The following GPAT3 variants were observed in gnomAD, a reference collection of about 807,000 sequenced individuals.
GPAT3 encodes the protein 1-AGP acyltransferase 9.
Under a neutral mutation model 58.8 loss-of-function variants are expected in GPAT3, and 53 were observed. The ratio of observed to expected loss-of-function variants is 0.90; its 90% CI spans 0.72 to 1.13. The LOEUF is 1.13. Among genes scored for constraint, GPAT3 ranks in the 50% most tolerant of loss-of-function variants. GPAT3 has a pLI of 0.00. For missense variants in GPAT3, 511 were observed against 527.6 expected, an observed-to-expected ratio of 0.97 and a Z score of 0.31; for synonymous variants, 197 against 187.4, an observed-to-expected ratio of 1.05 and a Z score of -0.42.
chr4:83,590,076 G>A, intron 5 of GPAT3, 123 bp from the exon 6 acceptor site: 1 of 777,278 alleles, frequency 1.3e-6, no homozygotes, highest in Non-Finnish European at 2.0e-6. Flanking sequence ...CTGGGCAACA[G>A]AGTGAGACGC....
At chr4:83,539,744 A>G (rs1355797413) in intron 1 of GPAT3, among the ~76,000 whole-genome samples, 1 of 152,228 alleles carries the variant, frequency 6.6e-6, no homozygotes, top group Non-Finnish European at 1.5e-5. Flanking sequence ...TTAGCTTGGA[A>G]TAAGTTTAGT....
intron 2 of GPAT3, among the ~76,000 whole-genome samples, chr4:83,562,211 TTATATATATATATAA>T (rs1458086118): frequency 1.6e-4 from 12 of 73,008 alleles, no homozygotes; most frequent in Non-Finnish European, 4.9e-5. Flanking sequence ...TATATATATA[TTATATATATATATAA>T]TATATATATA....
intron 3 of GPAT3, among the ~76,000 whole-genome samples, chr4:83,586,601 CTATT>C (rs1482552212): frequency 1.3e-5 from 2 of 152,058 alleles, no homozygotes; most frequent in Non-Finnish European, 2.9e-5. Flanking sequence ...TAACTAAATC[CTATT>C]TATTTTGAAA....
intron 2 of GPAT3, among the ~76,000 whole-genome samples, chr4:83,568,012 A>G (rs1472881511): frequency 6.6e-6 from 1 of 151,986 alleles, no homozygotes; most frequent in Non-Finnish European, 1.5e-5. Flanking sequence ...ATTCTTTCTT[A>G]TGATTTTTAT....
At chr4:83,587,380 G>T in intron 4 of GPAT3, 51 bp downstream of exon 4, 2 of 1,444,668 alleles carry the variant, frequency 1.4e-6, no homozygotes, top group African/African-American at 1.4e-5. Flanking sequence ...TTTTTTCTTA[G>T]CTGTGTCCAC....
intron 1 of GPAT3, among the ~76,000 whole-genome samples, chr4:83,542,380 C>G (rs569313428): frequency 6.6e-6 from 1 of 151,930 alleles, no homozygotes; most frequent in Non-Finnish European, 1.5e-5. Context: ...GCACTAAATC[C>G]GCAAAAGATA....
At chr4:83,579,645 A>C (rs1171232098) in intron 2 of GPAT3, among the ~76,000 whole-genome samples, 1 of 152,136 alleles carries the variant, frequency 6.6e-6, no homozygotes, top group Non-Finnish European at 1.5e-5. Context: ...TGTAGGACAA[A>C]AACTCCAAAA....
chr4:83,587,413 C>G (rs562742173), intron 4 of GPAT3, 84 bp downstream of exon 4: 109 of 1,167,936 alleles, frequency 9.3e-5, no homozygotes, highest in Admixed American at 5.4e-4. Context: ...TGTTTGATTC[C>G]TATGTATTGC....
intron 7 of GPAT3, 83 bp downstream of exon 7, chr4:83,595,043 A>T: frequency 8.5e-7 from 1 of 1,178,884 alleles, no homozygotes; most frequent in Non-Finnish European, 1.2e-6. Flanking sequence ...AGGGCCGAGC[A>T]GCACTGAGTC....
At chr4:83,594,464 A>C (rs750005066) in intron 6 of GPAT3, among the ~76,000 whole-genome samples, 7 of 152,310 alleles carry the variant, frequency 4.6e-5, no homozygotes, top group Admixed American at 2.0e-4. Flanking sequence ...TCCACCAAGC[A>C]ATGTTTGAAA....
Position 83,597,755 on chromosome 4 carries a change from CAG to C in GPAT3, c.996+242_996+243del, listed in dbSNP as rs3832283. 2.5e-3 allele frequency among the ~76,000 whole-genome samples: 376 copies of C among 152,264 alleles called. 5 individuals carry two copies. In the East Asian group the frequency reaches 0.048, roughly 20 times the overall value. On this transcript the variant is annotated intron_variant, in intron 9 of 11. Transcript: ENST00000264409. ...TATTTGCTCATAGTGTTAAGTGAAA[CAG>C]ATTCTGTTCCTGCTTTCATCAGCCT...
At chr4:83,559,915 A>G (rs897676498) in intron 2 of GPAT3, among the ~76,000 whole-genome samples, 4 of 152,160 alleles carry the variant, frequency 2.6e-5, no homozygotes, top group African/African-American at 7.2e-5. Flanking sequence ...GAGACAGCCA[A>G]TTGGACTTGT....
intron 2 of GPAT3, among the ~76,000 whole-genome samples, chr4:83,569,794 G>A (rs1000825655): frequency 2.0e-5 from 3 of 151,896 alleles, no homozygotes; most frequent in Non-Finnish European, 4.4e-5. Flanking sequence ...CTAAATGAGA[G>A]GAATTTAAGT....
At chr4:83,559,304 A>C (rs781810) in intron 2 of GPAT3, among the ~76,000 whole-genome samples, 1 of 152,204 alleles carries the variant, frequency 6.6e-6, no homozygotes, top group African/African-American at 2.4e-5. Context: ...TTAGTATATA[A>C]GCAGAGAAAG....
At chr4:83,551,318 T>C (rs1724740455) in intron 2 of GPAT3, among the ~76,000 whole-genome samples, 1 of 152,084 alleles carries the variant, frequency 6.6e-6, no homozygotes, top group Non-Finnish European at 1.5e-5. Context: ...TATAATAACA[T>C]TTATTTAAAA....
At chr4:83,601,962 AACTG>A (rs1174490985) in intron 11 of GPAT3, among the ~76,000 whole-genome samples, 65 of 152,310 alleles carry the variant, frequency 4.3e-4, no homozygotes, top group African/African-American at 1.5e-3. Context: ...TGGAGTATGA[AACTG>A]ACTAGTCCTA....
chr4:83,578,938 T>TTTC (rs375376133), intron 2 of GPAT3, among the ~76,000 whole-genome samples: 3,203 of 8,020 alleles, frequency 0.4, 276 homozygotes, highest in South Asian at 0.46. Flanking sequence ...TCTTTCTTTC[T>TTTC]TTTCTTTTCT....
chr4:83,558,165 G>C (rs1725006017), intron 2 of GPAT3, among the ~76,000 whole-genome samples: 1 of 151,692 alleles, frequency 6.6e-6, no homozygotes. Context: ...AGTGAGCCAA[G>C]ATCATACCAC....
At chr4:83,547,599 A>G (rs1052436759) in intron 2 of GPAT3, among the ~76,000 whole-genome samples, 6 of 151,384 alleles carry the variant, frequency 4.0e-5, no homozygotes, top group African/African-American at 1.2e-4. Context: ...TTTGAAATGC[A>G]TTTCAAGTCT....
Sources: allele counts gnomAD v4.1 joint callset (sites outside exome capture counted in the v4.1 genomes callset), GRCh38; gene constraint gnomAD v4.1.1; transcripts MANE v1.5; gene names NCBI Gene and HGNC (gene_info 2026-07-23, HGNC 2026-07-21).